Variants in PSME3IP1 observed in about 807,000 individuals in gnomAD.
PSME3IP1 encodes PSME3-interacting protein.
PSME3IP1 carries 13 observed loss-of-function variants against 34.1 expected under a neutral mutation model. The ratio of observed to expected loss-of-function variants is 0.38; its 90% CI spans 0.25 to 0.61. The LOEUF (loss-of-function observed/expected upper bound fraction) is 0.61, where lower values mean the gene tolerates loss of function less well. Ranked by LOEUF, PSME3IP1 falls within the 20% of genes least tolerant of loss-of-function variation. The pLI, the probability that PSME3IP1 is intolerant of heterozygous loss-of-function variation, is 0.60. For synonymous variants in PSME3IP1, 93 were observed against 114.3 expected, an observed-to-expected ratio of 0.81 and a Z score of 1.19; for missense variants, 237 against 301.4, an observed-to-expected ratio of 0.79 and a Z score of 1.58.
intron 1 of PSME3IP1, among the ~76,000 whole-genome samples, chr16:57,177,659 AAC>A (rs1567440112): frequency 2.0e-5 from 3 of 152,220 alleles, no homozygotes; most frequent in African/African-American, 4.8e-5. Flanking sequence ...GTGTCCTGAA[AAC>A]ACAGTCACAC....
At chr16:57,161,305 A>G (rs1384010749) in intron 6 of PSME3IP1, among the ~76,000 whole-genome samples, 2 of 152,250 alleles carry the variant, frequency 1.3e-5, no homozygotes, top group African/African-American at 4.8e-5. Context: ...AATGGCATAC[A>G]GATAGACATA....
intron 1 of PSME3IP1, 50 bp from the exon 2 acceptor site, chr16:57,173,919 A>G (rs1243331893): frequency 4.5e-6 from 7 of 1,553,626 alleles, no homozygotes; most frequent in Non-Finnish European, 6.1e-6. Flanking sequence ...TGAGAACTGC[A>G]ATTAAAATTC....
At chr16:57,181,365 G>C (rs2073696092) in intron 1 of PSME3IP1, among the ~76,000 whole-genome samples, 1 of 151,960 alleles carries the variant, frequency 6.6e-6, no homozygotes, top group Non-Finnish European at 1.5e-5. Flanking sequence ...AATAAAACTT[G>C]CCTGAGGATA....
chr16:57,182,976 G>A (rs2073868720), intron 1 of PSME3IP1, among the ~76,000 whole-genome samples: 1 of 152,104 alleles, frequency 6.6e-6, no homozygotes. Flanking sequence ...ACAATGCTAT[G>A]TACTAAACAG....
At chr16:57,169,602 G>A (rs562785368) in intron 4 of PSME3IP1, among the ~76,000 whole-genome samples, 1 of 152,090 alleles carries the variant, frequency 6.6e-6, no homozygotes, top group Admixed American at 6.6e-5. Context: ...AGGACACAAA[G>A]GTTTCTTTTG....
chr16:57,168,190 A>C (rs2072129469), intron 4 of PSME3IP1, among the ~76,000 whole-genome samples: 1 of 152,240 alleles, frequency 6.6e-6, no homozygotes, highest in African/African-American at 2.4e-5. Context: ...AGTGACATCT[A>C]GTGCCCAGGA....
chr16:57,172,644 C>T (rs1210354918), intron 3 of PSME3IP1, 132 bp downstream of exon 3: 1 of 816,152 alleles, frequency 1.2e-6, no homozygotes. Context: ...GTCTCTTTTC[C>T]ACCAAATAAG....
intron 6 of PSME3IP1, among the ~76,000 whole-genome samples, chr16:57,162,024 C>A (rs1263191701): frequency 6.6e-6 from 1 of 152,124 alleles, no homozygotes; most frequent in Non-Finnish European, 1.5e-5. Flanking sequence ...TCCGCCTCAG[C>A]CTCCTGAGGA....
intron 1 of PSME3IP1, chr16:57,174,402 T>G: frequency 2.1e-6 from 2 of 974,516 alleles, no homozygotes; most frequent in Non-Finnish European, 2.4e-6. Context: ...CGATGTTATC[T>G]ACACAGTTGG....
At chr16:57,174,523 C>T in intron 1 of PSME3IP1, 3 of 985,456 alleles carry the variant, frequency 3.0e-6, no homozygotes, top group Non-Finnish European at 3.6e-6. Flanking sequence ...AGCATCCCAT[C>T]CTTTTCCCAG....
intron 1 of PSME3IP1, among the ~76,000 whole-genome samples, chr16:57,180,241 T>C (rs1218507363): frequency 6.6e-6 from 1 of 152,168 alleles, no homozygotes; most frequent in African/African-American, 2.4e-5. Context: ...ATGAAACACA[T>C]ACAATAAAAA....
Position 57,167,167 on chromosome 16 carries a change from C to T in PSME3IP1, c.408G>A (p.Leu136=), listed in dbSNP as rs2145684482. 1 of 1,614,236 alleles carries T rather than the reference C, an allele frequency of 6.2e-7. No homozygotes were observed. The highest frequency in any genetic ancestry group is 2.2e-5 in the East Asian group (1 of 44,884). The part of the protein sequence containing the change: ...QENKKEVEKK[L]TVKPIETKNK... ...TCTTGGTTTCTATAGGCTTCACAGT[C>T]AGTTTCTTTTCCACTTCCTTCTTGT... is the stretch of plus-strand genomic sequence containing the variant. The change falls in exon 5 of 7, where the codon CTG becomes CTA. Residue 136 remains leucine (L), a synonymous_variant. Transcript: ENST00000309137.
intron 1 of PSME3IP1, among the ~76,000 whole-genome samples, chr16:57,179,499 A>G (rs1046761511): frequency 6.6e-6 from 1 of 152,192 alleles, no homozygotes; most frequent in Non-Finnish European, 1.5e-5. Flanking sequence ...CACACTACAC[A>G]TGTTTTAAAA....
chr16:57,171,539 G>A (rs558669025), intron 4 of PSME3IP1, among the ~76,000 whole-genome samples: 1 of 152,274 alleles, frequency 6.6e-6, no homozygotes, highest in East Asian at 1.9e-4. Flanking sequence ...CACAGGAGTC[G>A]AGAAGAAAGT....
intron 1 of PSME3IP1, chr16:57,178,671 G>C (rs139279696): frequency 2.0e-6 from 2 of 985,176 alleles, no homozygotes; most frequent in African/African-American, 3.5e-5. Flanking sequence ...TACAATTTGT[G>C]CAGTAAGAAA....
At chr16:57,172,493 A>G (rs1192002584) in intron 3 of PSME3IP1, 121 bp from the exon 4 acceptor site, 1 of 1,102,614 alleles carries the variant, frequency 9.1e-7, no homozygotes, top group Non-Finnish European at 1.3e-6. Context: ...GAACTGGTAA[A>G]TACCATGGCG....
At chr16:57,171,672 C>G (rs1285215795) in intron 4 of PSME3IP1, among the ~76,000 whole-genome samples, 2 of 152,018 alleles carry the variant, frequency 1.3e-5, no homozygotes, top group African/African-American at 2.4e-5. Flanking sequence ...CTGGGAGGAC[C>G]AGAAAAAGAA....
chr16:57,182,143 T>C lies in PSME3IP1; in HGVS notation c.-16+3678A>G, dbSNP rs138154403. Among the ~76,000 whole-genome samples the C allele has an allele frequency of 2.0e-3, 310 of 152,256 alleles. 2 individuals carry two copies. The highest frequency in any genetic ancestry group is 7.1e-3 in the African/African-American group (295 of 41,544). On this transcript the variant is annotated intron_variant, in intron 1 of 6. Transcript: ENST00000309137. ...AGCCATCAGTCAGCTCCTTAGCATA[T>C]AAAAAGACACTAATCATTTTGGAGA...
At chr16:57,170,450 T>A (rs1016449403) in intron 4 of PSME3IP1, among the ~76,000 whole-genome samples, 2 of 152,222 alleles carry the variant, frequency 1.3e-5, no homozygotes, top group African/African-American at 4.8e-5. Context: ...CTAGTACATA[T>A]ACACAGTAAT....
Sources: gnomAD v4.1 joint callset for allele counts (sites outside exome capture counted in the v4.1 genomes callset) on GRCh38, gnomAD v4.1.1 for gene constraint, MANE v1.5 for transcripts, NCBI Gene and HGNC (gene_info 2026-07-23, HGNC 2026-07-21) for gene names.